FDFT1: variants seen among roughly 807,000 people sequenced by gnomAD.
FDFT1 encodes farnesyl-diphosphate farnesyltransferase 1, also known as squalene synthase.
Under a neutral mutation model 46.8 loss-of-function variants are expected in FDFT1, and 68 were observed. The observed-to-expected ratio is 1.45, with a 90% CI of 1.19 to 1.78. The LOEUF is 1.78. Among genes scored for constraint, FDFT1 ranks in the 40% most tolerant of loss-of-function variants. FDFT1 has a pLI of 0.00. For missense variants in FDFT1, 928 were observed against 524.4 expected, an observed-to-expected ratio of 1.77 and a Z score of -7.52; for synonymous variants, 351 against 185.1, an observed-to-expected ratio of 1.90 and a Z score of -7.28.
chr8:11,800,259 TCAAAA>T (rs1563285828), upstream of FDFT1, among the ~76,000 whole-genome samples: 1 of 47,490 alleles, frequency 2.1e-5, no homozygotes, highest in African/African-American at 1.0e-4. Flanking sequence ...AAATTCTGTC[TCAAAA>T]AAAAAAAAAA....
At chr8:11,796,883 C>T (rs1805612259) in intron 1 of FDFT1, among the ~76,000 whole-genome samples, 1 of 152,232 alleles carries the variant, frequency 6.6e-6, no homozygotes, top group Admixed American at 6.5e-5. Context: ...ATTAAAGAGG[C>T]AGTGTGACAG....
intron 7 of FDFT1, among the ~76,000 whole-genome samples, chr8:11,833,694 C>G (rs76144878): frequency 0.014 from 2,182 of 152,294 alleles, 68 homozygotes; most frequent in African/African-American, 0.05. Context: ...CCATTTGCTT[C>G]TTTGTCTTCT....
upstream of FDFT1, among the ~76,000 whole-genome samples, chr8:11,800,825 A>G (rs1249827994): frequency 1.3e-5 from 2 of 152,218 alleles, no homozygotes; most frequent in East Asian, 1.9e-4. Flanking sequence ...AGGAACCTCT[A>G]CTTTACTTTT....
At chr8:11,833,378 C>A (rs561926256) in intron 7 of FDFT1, among the ~76,000 whole-genome samples, 3 of 152,142 alleles carry the variant, frequency 2.0e-5, no homozygotes, top group African/African-American at 7.2e-5. Flanking sequence ...GTTCAACTAC[C>A]CTTTCTAAAT....
chr8:11,810,872 CAG>C (rs1384006106), intron 3 of FDFT1, among the ~76,000 whole-genome samples: 7 of 135,096 alleles, frequency 5.2e-5, no homozygotes, highest in East Asian at 4.4e-4. Context: ...GCTAAGTGGA[CAG>C]AGAGTCCTCC....
chr8:11,809,638 A>G (rs1297504762), intron 2 of FDFT1, 29 bp from the exon 3 acceptor site: 2 of 1,552,576 alleles, frequency 1.3e-6, no homozygotes, highest in East Asian at 2.3e-5. Context: ...GTTTGTTCCA[A>G]TATATTAATA....
chr8:11,803,615 T>C (rs1806427508), intron 1 of FDFT1: 1 of 542,750 alleles, frequency 1.8e-6, no homozygotes, highest in Non-Finnish European at 2.7e-6. Context: ...ACAAGAAAAT[T>C]ATTCGTACGC....
intron 1 of FDFT1, chr8:11,803,949 T>C (rs1806469771): frequency 6.6e-6 from 1 of 152,430 alleles, no homozygotes; most frequent in Non-Finnish European, 1.5e-5. Flanking sequence ...CGGTGCTACA[T>C]TATTTGAATT....
chr8:11,836,468 G>A (rs948324516), intron 7 of FDFT1, among the ~76,000 whole-genome samples: 2 of 152,210 alleles, frequency 1.3e-5, no homozygotes, highest in Non-Finnish European at 2.9e-5. Flanking sequence ...GAGGAGGTGA[G>A]GGCCACCTCT....
intron 3 of FDFT1, among the ~76,000 whole-genome samples, chr8:11,817,891 G>T (rs1452887640): frequency 1.3e-5 from 2 of 150,184 alleles, no homozygotes; most frequent in African/African-American, 2.5e-5. Flanking sequence ...GTTATTTCTT[G>T]CCTTTTACTA....
chr8:11,796,526 T>A (rs532891169), intron 1 of FDFT1, among the ~76,000 whole-genome samples: 1 of 152,272 alleles, frequency 6.6e-6, no homozygotes, highest in Non-Finnish European at 1.5e-5. Flanking sequence ...TAAGGGAGTT[T>A]TGTACTTAGT....
At chr8:11,838,327 A>T (rs1046115192) in intron 7 of FDFT1, 61 bp from the exon 8 acceptor site, 11 of 1,307,706 alleles carry the variant, frequency 8.4e-6, no homozygotes, top group South Asian at 1.2e-5. Context: ...GGGTTGTTGT[A>T]AGTAGCCATG....
At chr8:11,832,101 T>C (rs1376262968) in intron 7 of FDFT1, among the ~76,000 whole-genome samples, 1 of 152,164 alleles carries the variant, frequency 6.6e-6, no homozygotes, top group East Asian at 1.9e-4. Context: ...CAGGCCTCAA[T>C]TGAAAAATCA....
At position 11,838,841 on chromosome 8, in the gene FDFT1, T is replaced by G; in HGVS notation, c.*232T>G. 1.8e-6 allele frequency: 1 copy of G among 550,798 alleles called. No homozygotes were observed. Among genetic ancestry groups the G allele is most frequent in the South Asian group, 2.0e-5 (1 of 49,804 alleles). 34.1% of individuals were successfully genotyped at this position (550,798 alleles called of 1,614,324 possible). ...TGTGGGTGATGATCACTGTGCTGCT[T>G]GTGGCTCATGGCAGAGCATTCAGTG... On this transcript the variant is annotated 3_prime_UTR_variant, in exon 8 of 8. Transcript: ENST00000220584.
intron 2 of FDFT1, chr8:11,809,146 T>C: frequency 7.7e-7 from 1 of 1,306,792 alleles, no homozygotes; most frequent in Non-Finnish European, 9.7e-7. Context: ...TTTTTAGTCT[T>C]GGCAGCTGAA....
intron 4 of FDFT1, among the ~76,000 whole-genome samples, chr8:11,825,701 A>T (rs555920583): frequency 1.6e-4 from 24 of 151,830 alleles, no homozygotes; most frequent in Admixed American, 9.2e-4. Context: ...AAAAAATAAA[A>T]AATAAAAATA....
rs760182826 is a variant in FDFT1, at chr8:11,802,949, G to A, written c.99+18G>A. On this transcript the variant is annotated intron_variant, in intron 1 of 7. Coordinates refer to ENST00000220584, the MANE Select transcript of FDFT1 (RefSeq NM_004462.5). ...TGGACCAGGTGGGCCGAGCCTCCCT[G>A]CTTGCCCGGGGCGGGGAAGGAGCTC... The A allele has an allele frequency of 8.8e-6, 14 of 1,584,708 alleles. No individual in the cohort carries two copies. The Admixed American group carries it at 9.0e-5, about 10-fold the overall frequency.
intron 3 of FDFT1, among the ~76,000 whole-genome samples, chr8:11,811,519 T>G (rs1346179611): frequency 6.6e-6 from 1 of 152,232 alleles, no homozygotes; most frequent in African/African-American, 2.4e-5. Flanking sequence ...AACATAATTT[T>G]GGGGAATATC....
chr8:11,803,990 A>G (rs1328592255), intron 1 of FDFT1, among the ~76,000 whole-genome samples: 1 of 152,234 alleles, frequency 6.6e-6, no homozygotes, highest in African/African-American at 2.4e-5. Flanking sequence ...CTATTATTTG[A>G]TATGGCAGAT....
Sources: gnomAD v4.1 joint callset for allele counts (sites outside exome capture counted in the v4.1 genomes callset) on GRCh38, gnomAD v4.1.1 for gene constraint, MANE v1.5 for transcripts, NCBI Gene and HGNC (gene_info 2026-07-23, HGNC 2026-07-21) for gene names.